RFTN1: variants seen among roughly 807,000 people sequenced by gnomAD.
RFTN1 encodes the protein raftlin, lipid raft linker 1.
A neutral mutation model predicts 46.5 loss-of-function variants in RFTN1; 26 were observed. The observed-to-expected ratio is 0.56, with a 90% CI of 0.41 to 0.78. The LOEUF is 0.78. Among genes scored for constraint, RFTN1 ranks in the 30% least tolerant of loss-of-function variants. The probability of loss-of-function intolerance (pLI) is 0.00; values close to 1 mark genes in which losing one functional copy is unlikely to be tolerated. For synonymous variants in RFTN1, 261 were observed against 284.2 expected (o/e 0.92, Z 0.82); for missense variants, 693 against 718.7 (o/e 0.96, Z 0.41).
rs1447459877 is a variant in RFTN1, at chr3:16,466,333, C to T, written c.145+27392G>A. Among the ~76,000 whole-genome samples, 1 of 152,182 alleles carries T rather than the reference C, an allele frequency of 6.6e-6. No individual in the cohort carries two copies. The highest frequency in any genetic ancestry group is 1.5e-5 in the Non-Finnish European group (1 of 68,028). Reference sequence around the variant, plus strand: ...AAAAAGAAATCAGTGTTTTACTTTACTTTTAAAGATGTAATATCTATGAAA... The same window carrying T: ...AAAAAGAAATCAGTGTTTTACTTTATTTTTAAAGATGTAATATCTATGAAA... On this transcript the variant is annotated intron_variant, in intron 2 of 9. Transcript: ENST00000334133. This position sits in a 1 kb window ranked among gnomAD's most constrained non-coding sequence, Gnocchi z 5.6.
chr3:16,483,712 C>G lies in RFTN1; in HGVS notation c.145+10013G>C, dbSNP rs973351672. ...ACATTTGTTGAATTTATTTTATACT[C>G]AAAAGATCACACTAGTATAATTTTT... On this transcript the variant is annotated intron_variant, in intron 2 of 9. Transcript: ENST00000334133. This position sits in a 1 kb window ranked among gnomAD's most constrained non-coding sequence, Gnocchi z 4.8. Among the ~76,000 whole-genome samples the G allele has an allele frequency of 2.0e-5, 3 of 151,930 alleles. No individual in the cohort carries two copies. The highest frequency in any genetic ancestry group is 7.3e-5 in the African/African-American group (3 of 41,346).
intron 4 of RFTN1, among the ~76,000 whole-genome samples, chr3:16,388,342 T>C (rs545882129): frequency 5.3e-5 from 8 of 152,222 alleles, no homozygotes; most frequent in Non-Finnish European, 1.0e-4. Flanking sequence ...ACACAGTAAG[T>C]ATTCCTTGGG....
At chr3:16,454,649 C>T (rs1341955438) in intron 2 of RFTN1, 1 of 466,576 alleles carries the variant, frequency 2.1e-6, no homozygotes, top group Non-Finnish European at 2.8e-6. Context: ...TCTCCTTTCT[C>T]CTCTCCTCCT....
chr3:16,502,383 C>CAA (rs140019736), intron 1 of RFTN1, among the ~76,000 whole-genome samples: 2 of 70,992 alleles, frequency 2.8e-5, no homozygotes, highest in African/African-American at 4.9e-5. Context: ...GACCTTGTCT[C>CAA]AAAAAAAAAA....
Position 16,385,713 on chromosome 3 carries a change from G to T in RFTN1, c.442-7611C>A, listed in dbSNP as rs557710121. ...AGTAGATGCATGCCCTGACCAGGAGGGCACAGTCAAAGAGTCAACACGCTG... is the reference window on the plus strand; with the variant it reads ...AGTAGATGCATGCCCTGACCAGGAGTGCACAGTCAAAGAGTCAACACGCTG... On this transcript the variant is annotated intron_variant, in intron 4 of 9. Coordinates refer to ENST00000334133, the MANE Select transcript of RFTN1 (RefSeq NM_015150.2). This position sits in a 1 kb window ranked among gnomAD's most constrained non-coding sequence, Gnocchi z 5.0. Among the ~76,000 whole-genome samples the T allele has an allele frequency of 1.3e-5, 2 of 152,276 alleles. No homozygotes were observed. The highest frequency in any genetic ancestry group is 3.9e-4 in the East Asian group (2 of 5,184).
chr3:16,508,326 A>G (rs554206600), intron 1 of RFTN1, among the ~76,000 whole-genome samples: 1 of 152,350 alleles, frequency 6.6e-6, no homozygotes, highest in Admixed American at 6.5e-5. Flanking sequence ...GAAGCTTTCA[A>G]GTACCCCAAA....
chr3:16,346,888 G>T lies in RFTN1; in HGVS notation c.1146+11044C>A, dbSNP rs2071757311. ...GATGGCAACATCTGGATCCCTGGTG[G>T]CATCTTTAAGCTGTTGACAAAGCTG... On this transcript the variant is annotated intron_variant, in intron 7 of 9. Transcript: ENST00000334133. This position sits in a 1 kb window ranked among gnomAD's most constrained non-coding sequence, Gnocchi z 4.4. Among the ~76,000 whole-genome samples the T allele has an allele frequency of 6.6e-6, 1 of 152,140 alleles. No individual in the cohort carries two copies. Among genetic ancestry groups the T allele is most frequent in the Admixed American group, 6.5e-5 (1 of 15,270 alleles).
In RFTN1 at chr3:16,480,628, A is replaced by G. The variant is rs574303880; in HGVS notation, c.145+13097T>C. 1.3e-5 allele frequency among the ~76,000 whole-genome samples: 2 copies of G among 152,310 alleles called. No homozygotes were observed. The highest frequency in any genetic ancestry group is 4.8e-5 in the African/African-American group (2 of 41,572). ...TTTCACACCAGATTTGCTTTTGAAA[A>G]TATTTCGTAGATAAAATTCAACAGG... On this transcript the variant is annotated intron_variant, in intron 2 of 9. Coordinates refer to ENST00000334133, the MANE Select transcript of RFTN1 (RefSeq NM_015150.2). The surrounding 1 kb of genome is among the most constrained non-coding windows in gnomAD (Gnocchi z 4.3).
At chr3:16,398,524 G>C (rs1161343132) in intron 4 of RFTN1, among the ~76,000 whole-genome samples, 1 of 152,166 alleles carries the variant, frequency 6.6e-6, no homozygotes, top group African/African-American at 2.4e-5. Flanking sequence ...GGCTGCCCCA[G>C]CTCATCCACT....
At chr3:16,323,958 T>C (rs2069378603) in intron 8 of RFTN1, among the ~76,000 whole-genome samples, 1 of 152,176 alleles carries the variant, frequency 6.6e-6, no homozygotes, top group African/African-American at 2.4e-5. Flanking sequence ...AGGCGGGCCC[T>C]GCAAGGCAGT....
In RFTN1 at chr3:16,494,319, T is replaced by C. The variant is rs1171276478; in HGVS notation, c.-8-442A>G. On this transcript the variant is annotated intron_variant, in intron 1 of 9. Coordinates refer to ENST00000334133, the MANE Select transcript of RFTN1 (RefSeq NM_015150.2). ...TGGTTGCTAACACAGAATAAGTCGT[T>C]GTTACAGTTTCCAAACTCCGAGTCC... Among the ~76,000 whole-genome samples the C allele has an allele frequency of 3.3e-5, 5 of 152,316 alleles. No individual in the cohort carries two copies. The South Asian group carries it at 8.3e-4, about 25-fold the overall frequency.
chr3:16,441,104 G>C (rs932968648), intron 2 of RFTN1, among the ~76,000 whole-genome samples: 6 of 151,968 alleles, frequency 3.9e-5, no homozygotes, highest in Non-Finnish European at 5.9e-5. Context: ...ATTGCATTTT[G>C]AATCTTTTGG....
chr3:16,506,605 C>A lies in RFTN1; in HGVS notation c.-9+6837G>T, dbSNP rs530512402. Among the ~76,000 whole-genome samples, 14 of 152,122 alleles carry A rather than the reference C, an allele frequency of 9.2e-5. No homozygotes were observed. In the South Asian group the frequency reaches 2.9e-3, roughly 32 times the overall value. On this transcript the variant is annotated intron_variant, in intron 1 of 9. Transcript: ENST00000334133. This position sits in a 1 kb window ranked among gnomAD's most constrained non-coding sequence, Gnocchi z 4.8. ...ACACCTCTAGGGTTGGTCACCAGCA[C>A]CTGCAAGGCTGGAGTGGCCATCTTC...
At chr3:16,482,659 C>G in intron 2 of RFTN1, 1 of 1,115,030 alleles carries the variant, frequency 9.0e-7, no homozygotes, top group South Asian at 1.3e-5. Context: ...ATCAAGATCT[C>G]TATAAGGATT....
chr3:16,350,942 C>T (rs1339212434), intron 7 of RFTN1, among the ~76,000 whole-genome samples: 1 of 152,184 alleles, frequency 6.6e-6, no homozygotes, highest in African/African-American at 2.4e-5. Flanking sequence ...ATTGATGTTA[C>T]TCCCTGGCAA....
intron 2 of RFTN1, among the ~76,000 whole-genome samples, chr3:16,445,820 A>C (rs781606615): frequency 1.6e-4 from 24 of 152,188 alleles, no homozygotes; most frequent in Admixed American, 3.9e-4. Context: ...TGTGGCTCAA[A>C]GTATATTTCC....
At position 16,481,329 on chromosome 3, in the gene RFTN1, G is replaced by A. The variant is rs2076363652; in HGVS notation, c.145+12396C>T. On this transcript the variant is annotated intron_variant, in intron 2 of 9. Coordinates refer to ENST00000334133, the MANE Select transcript of RFTN1 (RefSeq NM_015150.2). This position sits in a 1 kb window ranked among gnomAD's most constrained non-coding sequence, Gnocchi z 5.1. The stretch of plus-strand genomic sequence containing the variant: ...ACACATATTATCTCATTTATCTTTT[G>A]AAAATCTCTTCAAACTGTAAGAGCA... 1.3e-5 allele frequency among the ~76,000 whole-genome samples: 2 copies of A among 152,212 alleles called. No homozygotes were observed. The highest frequency in any genetic ancestry group is 1.9e-4 in the East Asian group (1 of 5,178).
rs566324874 is a variant in RFTN1 at position 16,438,984 on chromosome 3, A to G, written c.146-4947T>C. On this transcript the variant is annotated intron_variant, in intron 2 of 9. Coordinates refer to ENST00000334133, the MANE Select transcript of RFTN1 (RefSeq NM_015150.2). ...TATTTAAATGCTTCCTGAAAAAAAC[A>G]TAATACCTTTTAAATTTTTATCTTA... is the stretch of plus-strand genomic sequence containing the variant. Among the ~76,000 whole-genome samples the G allele has an allele frequency of 2.6e-5, 4 of 152,298 alleles. No homozygotes were observed. The South Asian group carries it at 6.2e-4, about 24-fold the overall frequency.
intron 4 of RFTN1, among the ~76,000 whole-genome samples, chr3:16,408,310 C>T (rs561946264): frequency 2.5e-4 from 38 of 152,288 alleles, no homozygotes; most frequent in African/African-American, 8.9e-4. Flanking sequence ...GCCACTTCTG[C>T]TGGTAACACT....
Sources: allele counts gnomAD v4.1 joint callset (sites outside exome capture counted in the v4.1 genomes callset), GRCh38; gene constraint gnomAD v4.1.1; non-coding constraint Gnocchi (gnomAD v3.1); transcripts MANE v1.5; gene names NCBI Gene and HGNC (gene_info 2026-07-23, HGNC 2026-07-21).